PHF8: variants seen among roughly 807,000 people sequenced by gnomAD.
PHF8 encodes the protein PHD finger protein 8.
In PHF8, 9 loss-of-function variants were observed where a neutral mutation model predicts 74.4. The ratio of observed to expected loss-of-function variants is 0.12; its 90% CI spans 0.07 to 0.21. The LOEUF is 0.21. Ranked by LOEUF, PHF8 falls within the 10% of genes least tolerant of loss-of-function variation. PHF8 has a pLI of 1.00. For missense variants in PHF8, 478 were observed against 816.6 expected (o/e 0.59, Z 5.05); for synonymous variants, 311 against 316.6 (o/e 0.98, Z 0.19).
intron 8 of PHF8, among the ~76,000 whole-genome samples, chrX:54,006,630 A>C (rs2065900679): frequency 8.9e-6 from 1 of 111,869 alleles, no homozygotes; most frequent in African/African-American, 3.2e-5. Flanking sequence ...GAACCAAAAA[A>C]TTCTTATGAA....
chrX:53,996,599 A>G (rs2065753348), intron 11 of PHF8, among the ~76,000 whole-genome samples: 1 of 110,762 alleles, frequency 9.0e-6, no homozygotes, highest in Non-Finnish European at 1.9e-5. Flanking sequence ...GCTGGAGTTC[A>G]GTGGTGTGGT....
chrX:54,039,089 G>A (rs782484630), intron 2 of PHF8, among the ~76,000 whole-genome samples: 5 of 103,383 alleles, frequency 4.8e-5, no homozygotes, highest in Non-Finnish European at 9.8e-5. Flanking sequence ...AACCAAGATC[G>A]TGCCACTGCA....
intron 7 of PHF8, among the ~76,000 whole-genome samples, chrX:54,011,757 C>T (rs1470544518): frequency 1.8e-5 from 2 of 109,425 alleles, no homozygotes; most frequent in East Asian, 2.8e-4. Flanking sequence ...GTTCAGTAAT[C>T]GCCCAAGGAC....
Position 54,044,429 on chromosome X carries a change from A to C in PHF8, c.-760T>G. ...CATGTTGAGAGTGGCGGCGCTACCC[A>C]GACAACCAAGGCGACCGCCATCTTA... On this transcript the variant is annotated 5_prime_UTR_variant, in exon 1 of 22. Transcript: ENST00000338154. The C allele has an allele frequency of 4.0e-6, 3 of 753,493 alleles. No individual in the cohort carries two copies. The highest frequency in any genetic ancestry group is 4.7e-6 in the Non-Finnish European group (3 of 638,085). 62.1% of individuals were successfully genotyped at this position (753,493 alleles called of 1,213,427 possible).
chrX:53,986,049 A>G lies in PHF8; in HGVS notation c.1996-100T>C, dbSNP rs1192555388. On this transcript the variant is annotated intron_variant, in intron 16 of 21. Coordinates refer to ENST00000338154, the MANE Select transcript of PHF8 (RefSeq NM_015107.3). ...TGACTCCTGATATTAATATCTTCTGAGCACCAAGTATAGACCAAGTACTAA... is the reference window on the plus strand; with the variant it reads ...TGACTCCTGATATTAATATCTTCTGGGCACCAAGTATAGACCAAGTACTAA... 3.8e-6 allele frequency: 3 copies of G among 797,130 alleles called. No homozygotes were observed. The Admixed American group carries it at 6.7e-5, about 18-fold the overall frequency. The allele number at this position is 797,130 out of a possible 1,213,427, so 65.7% of individuals were successfully genotyped here.
intron 2 of PHF8, among the ~76,000 whole-genome samples, chrX:54,041,599 A>G (rs782731842): frequency 1.2e-3 from 128 of 110,850 alleles, no homozygotes; most frequent in African/African-American, 4.2e-3. Context: ...TTTATCGTAC[A>G]CACTAACCTC....
chrX:54,014,588 G>A (rs374883191), intron 6 of PHF8, 25 bp from the exon 7 acceptor site: 1 of 1,059,628 alleles, frequency 9.4e-7, no homozygotes, highest in East Asian at 3.0e-5. Flanking sequence ...GTGGAGAGCA[G>A]ATGTCAGCTG....
chrX:54,044,944 T>C (rs1487478073), upstream of PHF8: 12 of 1,058,988 alleles, frequency 1.1e-5, no homozygotes, highest in Non-Finnish European at 1.4e-5. Flanking sequence ...TTGTTGGTTC[T>C]TCCCCCTGTG....
At chrX:53,993,508 A>G (rs990169749) in intron 13 of PHF8, 93 bp downstream of exon 13, 1 of 743,274 alleles carries the variant, frequency 1.3e-6, no homozygotes, top group Non-Finnish European at 2.1e-6. Flanking sequence ...TCTAAGGGAC[A>G]TGGCAGCCAG....
intron 18 of PHF8, among the ~76,000 whole-genome samples, chrX:53,971,607 G>C (rs188452223): frequency 9.0e-6 from 1 of 111,592 alleles, no homozygotes; most frequent in African/African-American, 3.2e-5. Flanking sequence ...AAGAACAAAA[G>C]AGAGAAAATC....
chrX:54,020,043 G>C (rs1050088102), intron 4 of PHF8, among the ~76,000 whole-genome samples: 1 of 109,756 alleles, frequency 9.1e-6, no homozygotes, highest in Non-Finnish European at 1.9e-5. Context: ...AAAATTAGCC[G>C]GGCGTGGTGG....
chrX:53,986,010 C>T, intron 16 of PHF8, 61 bp from the exon 17 acceptor site: 2 of 1,070,996 alleles, frequency 1.9e-6, no homozygotes, highest in South Asian at 1.9e-5. Flanking sequence ...GGCCCCAGTA[C>T]AGGGGCGATG....
intron 18 of PHF8, among the ~76,000 whole-genome samples, chrX:53,983,857 A>C (rs1487207296): frequency 8.9e-6 from 1 of 112,177 alleles, no homozygotes; most frequent in African/African-American, 3.2e-5. Flanking sequence ...AAGAAAACTA[A>C]GCAAGTTGCA....
intron 18 of PHF8, among the ~76,000 whole-genome samples, chrX:53,974,725 G>C (rs1233213386): frequency 8.9e-6 from 1 of 112,377 alleles, no homozygotes; most frequent in South Asian, 3.7e-4. Flanking sequence ...ATACTATGCA[G>C]TCATAAAAAG....
Position 53,944,117 on chromosome X carries a change from G to C in PHF8, c.2649+17C>G. 9.5e-7 allele frequency: 1 copy of C among 1,054,460 alleles called. No individual in the cohort carries two copies. The highest frequency in any genetic ancestry group is 1.9e-5 in the South Asian group (1 of 53,588). 86.9% of individuals were successfully genotyped at this position (1,054,460 alleles called of 1,213,427 possible). On this transcript the variant is annotated intron_variant, in intron 20 of 21. Coordinates refer to ENST00000338154, the MANE Select transcript of PHF8 (RefSeq NM_015107.3). ...ACTGCTATTAGTTGCAGGGTGACCT[G>C]GGGTGTCAGCACCTACCTGCTGGGC...
chrX:54,005,575 G>C (rs782587885), intron 8 of PHF8, among the ~76,000 whole-genome samples: 5 of 79,247 alleles, frequency 6.3e-5, no homozygotes, highest in African/African-American at 2.4e-4. Context: ...TAAACCCAAA[G>C]AAATCCACAC....
intron 2 of PHF8, among the ~76,000 whole-genome samples, chrX:54,027,923 A>G (rs781833318): frequency 2.7e-5 from 3 of 109,267 alleles, no homozygotes; most frequent in East Asian, 5.7e-4. Flanking sequence ...ACCTAGGTAG[A>G]AAAAAAAACA....
intron 7 of PHF8, among the ~76,000 whole-genome samples, chrX:54,013,459 G>C (rs1310787006): frequency 1.8e-5 from 2 of 111,306 alleles, no homozygotes; most frequent in Non-Finnish European, 3.8e-5. Flanking sequence ...ATGTTACCAG[G>C]AATTTCCAAA....
At chrX:53,967,326 G>GC (rs1341021505) in intron 18 of PHF8, among the ~76,000 whole-genome samples, 1 of 101,318 alleles carries the variant, frequency 9.9e-6, no homozygotes, top group South Asian at 4.2e-4. Context: ...GGGGGGGTCA[G>GC]CCCCCCGCCC....
Sources: gnomAD v4.1 joint callset for allele counts (sites outside exome capture counted in the v4.1 genomes callset) on GRCh38, gnomAD v4.1.1 for gene constraint, MANE v1.5 for transcripts, NCBI Gene and HGNC (gene_info 2026-07-23, HGNC 2026-07-21) for gene names.